The following PDE4B variants were observed in gnomAD, a reference collection of about 807,000 sequenced individuals.
PDE4B encodes 3',5'-cyclic-AMP phosphodiesterase 4B.
Under a neutral mutation model 82.2 loss-of-function variants are expected in PDE4B, and 20 were observed. The observed-to-expected ratio is 0.24, with a 90% CI of 0.17 to 0.35. The LOEUF is 0.35. Among genes scored for constraint, PDE4B ranks in the 10% least tolerant of loss-of-function variants. PDE4B has a pLI of 1.00. For missense variants in PDE4B, 655 were observed against 907.2 expected (o/e 0.72, Z 3.57); for synonymous variants, 320 against 318.9 (o/e 1.00, Z -0.04).
intron 9 of PDE4B, among the ~76,000 whole-genome samples, chr1:66,357,447 G>A (rs971304089): frequency 6.6e-6 from 1 of 151,970 alleles, no homozygotes; most frequent in East Asian, 1.9e-4. Flanking sequence ...TGCTAAATAT[G>A]AGCGCTGAGT....
chr1:66,203,420 T>C (rs912912850), intron 3 of PDE4B, among the ~76,000 whole-genome samples: 2 of 152,238 alleles, frequency 1.3e-5, no homozygotes, highest in Non-Finnish European at 2.9e-5. Context: ...GAAGTTCTCC[T>C]GGGTAATATC....
chr1:65,935,560 AAATT>A (rs1244791947), intron 3 of PDE4B, among the ~76,000 whole-genome samples: 1 of 152,170 alleles, frequency 6.6e-6, no homozygotes, highest in Non-Finnish European at 1.5e-5. Context: ...CTTCAATAAA[AAATT>A]AATCTGAGCT....
At chr1:66,316,224 T>G (rs1445791806) in intron 7 of PDE4B, among the ~76,000 whole-genome samples, 2 of 152,226 alleles carry the variant, frequency 1.3e-5, no homozygotes, top group African/African-American at 2.4e-5. Context: ...TGCAACGAAC[T>G]TTGTAGTGTA....
At chr1:66,239,868 A>G (rs947667278) in intron 3 of PDE4B, among the ~76,000 whole-genome samples, 6 of 152,258 alleles carry the variant, frequency 3.9e-5, no homozygotes, top group African/African-American at 1.4e-4. Context: ...AAGGATCTCA[A>G]TCAATAAGTA....
At chr1:65,831,946 C>T (rs1646086574) in intron 1 of PDE4B, among the ~76,000 whole-genome samples, 1 of 152,134 alleles carries the variant, frequency 6.6e-6, no homozygotes, top group Non-Finnish European at 1.5e-5. Context: ...GGGGGTATCA[C>T]TTAAACAATG....
intron 7 of PDE4B, among the ~76,000 whole-genome samples, chr1:66,286,891 T>C (rs1328187648): frequency 6.6e-6 from 1 of 152,136 alleles, no homozygotes; most frequent in African/African-American, 2.4e-5. Context: ...AGCTAATGTA[T>C]GCCCCCCCAT....
At chr1:65,905,756 T>G (rs911912513) in intron 1 of PDE4B, among the ~76,000 whole-genome samples, 1 of 152,090 alleles carries the variant, frequency 6.6e-6, no homozygotes, top group Non-Finnish European at 1.5e-5. Context: ...GTGGCTTCAC[T>G]CATTTTTTCA....
intron 3 of PDE4B, among the ~76,000 whole-genome samples, chr1:66,159,582 A>G (rs1322139861): frequency 2.0e-5 from 3 of 152,172 alleles, no homozygotes; most frequent in Non-Finnish European, 4.4e-5. Context: ...TTCAAGTATT[A>G]AAAAGCCACT....
intron 3 of PDE4B, among the ~76,000 whole-genome samples, chr1:66,146,857 G>C (rs965403978): frequency 6.6e-6 from 1 of 152,172 alleles, no homozygotes; most frequent in African/African-American, 2.4e-5. Flanking sequence ...AAGTGACCAT[G>C]TTTAAAAATC....
chr1:66,303,602 C>A (rs1658063482), intron 7 of PDE4B, among the ~76,000 whole-genome samples: 1 of 152,060 alleles, frequency 6.6e-6, no homozygotes, highest in Admixed American at 6.6e-5. Flanking sequence ...CAAGACAGTA[C>A]CATTTCCAGA....
intron 3 of PDE4B, among the ~76,000 whole-genome samples, chr1:65,956,631 C>T (rs1432747222): frequency 2.6e-5 from 4 of 152,048 alleles, no homozygotes; most frequent in East Asian, 1.9e-4. Context: ...AGTAAATGTT[C>T]GCGAAATACG....
At chr1:65,820,097 T>C (rs1484846211) in intron 1 of PDE4B, among the ~76,000 whole-genome samples, 1 of 152,178 alleles carries the variant, frequency 6.6e-6, no homozygotes, top group African/African-American at 2.4e-5. Context: ...ATAGAAGTAA[T>C]AGCAACAGTA....
chr1:65,830,619 C>G, intron 1 of PDE4B, among the ~76,000 whole-genome samples: 1 of 152,130 alleles, frequency 6.6e-6, no homozygotes, highest in East Asian at 1.9e-4. Context: ...GAGCAACATT[C>G]TACAAAATAC....
At chr1:66,040,577 A>G (rs1372133419) in intron 3 of PDE4B, among the ~76,000 whole-genome samples, 1 of 152,054 alleles carries the variant, frequency 6.6e-6, no homozygotes, top group African/African-American at 2.4e-5. Flanking sequence ...GCTGAAGCAC[A>G]GGGTGCTAGA....
At chr1:66,239,527 T>A (rs1184011718) in intron 3 of PDE4B, among the ~76,000 whole-genome samples, 1 of 152,202 alleles carries the variant, frequency 6.6e-6, no homozygotes, top group Non-Finnish European at 1.5e-5. Flanking sequence ...AAGAAAGACA[T>A]ACTTTGTAAT....
At chr1:65,911,854 G>A (rs1284186969) in intron 1 of PDE4B, among the ~76,000 whole-genome samples, 1 of 152,066 alleles carries the variant, frequency 6.6e-6, no homozygotes, top group Non-Finnish European at 1.5e-5. Flanking sequence ...GCCAACTCCT[G>A]CATAATGTAG....
At chr1:66,064,020 A>T (rs980232141) in intron 3 of PDE4B, among the ~76,000 whole-genome samples, 1 of 151,986 alleles carries the variant, frequency 6.6e-6, no homozygotes, top group African/African-American at 2.4e-5. Flanking sequence ...TCAGTGAGTT[A>T]CCCAAAATTG....
chr1:66,256,205 C>T (rs1203425560), intron 4 of PDE4B, among the ~76,000 whole-genome samples: 2 of 151,998 alleles, frequency 1.3e-5, no homozygotes, highest in African/African-American at 4.8e-5. Context: ...ACAACAACAG[C>T]AAAAATGAAG....
intron 6 of PDE4B, among the ~76,000 whole-genome samples, chr1:66,259,409 C>T (rs1654510474): frequency 6.6e-6 from 1 of 152,152 alleles, no homozygotes; most frequent in Non-Finnish European, 1.5e-5. Context: ...TAATCATGGT[C>T]TGTTGTTCTC....
Sources: allele counts gnomAD v4.1 joint callset (sites outside exome capture counted in the v4.1 genomes callset), GRCh38; gene constraint gnomAD v4.1.1; transcripts MANE v1.5; gene names NCBI Gene and HGNC (gene_info 2026-07-23, HGNC 2026-07-21).